The following NT5DC3 variants were observed in gnomAD, a reference collection of about 807,000 sequenced individuals.
NT5DC3 encodes 5'-nucleotidase domain-containing protein 3.
NT5DC3 carries 42 observed loss-of-function variants against 67.8 expected under a neutral mutation model. The ratio of observed to expected loss-of-function variants is 0.62; its 90% CI spans 0.48 to 0.80. NT5DC3 has a LOEUF of 0.80. Ranked by LOEUF, NT5DC3 falls within the 30% of genes least tolerant of loss-of-function variation. The pLI, the probability that NT5DC3 is intolerant of heterozygous loss-of-function variation, is 0.00. For missense variants in NT5DC3, 570 were observed against 696.4 expected, an observed-to-expected ratio of 0.82 and a Z score of 2.04; for synonymous variants, 237 against 255.6, an observed-to-expected ratio of 0.93 and a Z score of 0.69.
At chr12:103,796,243 G>A (rs143957669) in intron 6 of NT5DC3, among the ~76,000 whole-genome samples, 263 of 152,116 alleles carry the variant, frequency 1.7e-3, no homozygotes, top group African/African-American at 5.6e-3. Context: ...CTGGCCGGGC[G>A]TGGTGGCTCA....
At chr12:103,755,169 A>G in the NT5DC3 span, 1 of 1,234,242 alleles carries the variant, frequency 8.1e-7, no homozygotes, top group Non-Finnish European at 1.1e-6. Context: ...ACTGTGTGCC[A>G]GGCACAGAGG....
chr12:103,837,118 G>A (rs1418615343), intron 1 of NT5DC3, among the ~76,000 whole-genome samples: 1 of 152,196 alleles, frequency 6.6e-6, no homozygotes, highest in Non-Finnish European at 1.5e-5. Flanking sequence ...CTTGACTTCG[G>A]TGCACCCGTA....
chr12:103,770,165 A>G (rs1885148997), downstream of NT5DC3, among the ~76,000 whole-genome samples: 1 of 152,266 alleles, frequency 6.6e-6, no homozygotes, highest in Non-Finnish European at 1.5e-5. Context: ...TCACTGAAAG[A>G]AAACAGTTTA....
chr12:103,800,382 C>T (rs1886515363), intron 4 of NT5DC3, among the ~76,000 whole-genome samples: 1 of 152,242 alleles, frequency 6.6e-6, no homozygotes, highest in Admixed American at 6.5e-5. Flanking sequence ...AGGCAGTGAC[C>T]TTGGAAATCA....
Position 103,777,384 on chromosome 12 carries a change from G to A in NT5DC3, c.*445C>T, listed in dbSNP as rs975811730. The A allele has an allele frequency of 6.1e-5, 10 of 165,106 alleles. No individual in the cohort carries two copies. The highest frequency in any genetic ancestry group is 1.8e-4 in the East Asian group (1 of 5,644). The allele number at this position is 165,106 out of a possible 1,614,324, so 10.2% of individuals were successfully genotyped here. On this transcript the variant is annotated 3_prime_UTR_variant, in exon 14 of 14. Coordinates refer to ENST00000392876, the MANE Select transcript of NT5DC3 (RefSeq NM_001031701.3). ...AGCGTTTTACCATTGTGGAGCCCAC[G>A]AAATCAGCCTTCTGGAAGCAGCTAA...
At chr12:103,825,419 T>C (rs887739605) in intron 1 of NT5DC3, among the ~76,000 whole-genome samples, 1 of 151,998 alleles carries the variant, frequency 6.6e-6, no homozygotes, top group African/African-American at 2.4e-5. Flanking sequence ...ACCTAATCTT[T>C]AAAAAAAATC....
At chr12:103,798,553 G>A in intron 5 of NT5DC3, 34 bp downstream of exon 5, 2 of 1,450,290 alleles carry the variant, frequency 1.4e-6, no homozygotes, top group African/African-American at 1.4e-5. Flanking sequence ...GAAGGAAAAA[G>A]GCTGCTTTAA....
rs1885240145 is a variant in NT5DC3, at chr12:103,773,449, T to A, written c.*4380A>T. On this transcript the variant is annotated 3_prime_UTR_variant, in exon 14 of 14. Transcript: ENST00000392876. Reference sequence around the variant, plus strand: ...AGGTTAGCTGAACTTTGAGCTAAGCTCCTAAATGACACTAGTAGTGTCAAA... The same window carrying A: ...AGGTTAGCTGAACTTTGAGCTAAGCACCTAAATGACACTAGTAGTGTCAAA... 6.6e-6 allele frequency: 1 copy of A among 152,200 alleles called. No individual in the cohort carries two copies. The highest frequency in any genetic ancestry group is 2.1e-4 in the South Asian group (1 of 4,832). 9.4% of individuals were successfully genotyped at this position (152,200 alleles called of 1,614,324 possible). A position where few individuals can be genotyped will look rare whatever the true frequency, so the allele number is the denominator to read the frequency against.
At chr12:103,759,120 C>G in the NT5DC3 span, 29 of 1,614,144 alleles carry the variant, frequency 1.8e-5, no homozygotes, top group Middle Eastern at 3.3e-4. Context: ...CTGTGTTTCT[C>G]CTTTTTTCTC....
rs1231981030 is a variant in NT5DC3 at position 103,780,367 on chromosome 12, G to A, written c.1330-3C>T. ...TGTGACTCAGCATCTCTGTGAACCT[G>A]TAGGACACAAGTCAATTATTACAAC... is the stretch of plus-strand genomic sequence containing the variant. On this transcript the variant is annotated splice_region_variant and splice_polypyrimidine_tract_variant and intron_variant, in intron 12 of 13. Transcript: ENST00000392876. The A allele has an allele frequency of 6.2e-7, 1 of 1,613,294 alleles. No homozygotes were observed. Among genetic ancestry groups the A allele is most frequent in the African/African-American group, 1.3e-5 (1 of 74,884 alleles).
chr12:103,806,324 G>A lies in NT5DC3; in HGVS notation c.522C>T (p.Tyr174=). ...AFHYIQLGTV[Y]RGLSVVPDEE... Reference sequence around the variant, plus strand: ...AATGTATCTCCTCTTACTCTTACCTGTAGACAGTTCCCAGCTGGATATAAT... The same window carrying A: ...AATGTATCTCCTCTTACTCTTACCTATAGACAGTTCCCAGCTGGATATAAT... The change falls in exon 4 of 14, where the codon TAC becomes TAT. Residue 174 remains tyrosine, a splice_region_variant and synonymous_variant. Transcript: ENST00000392876. 1.2e-6 allele frequency: 2 copies of A among 1,600,190 alleles called. No homozygotes were observed. The highest frequency in any genetic ancestry group is 1.7e-6 in the Non-Finnish European group (2 of 1,167,406).
chr12:103,808,570 C>T (rs914982165), intron 2 of NT5DC3, among the ~76,000 whole-genome samples: 2 of 152,258 alleles, frequency 1.3e-5, no homozygotes, highest in Non-Finnish European at 2.9e-5. Flanking sequence ...AAAGCACTAA[C>T]TCAAATGTCA....
chr12:103,766,286 G>T (rs200988702), downstream of NT5DC3: 7 of 1,613,962 alleles, frequency 4.3e-6, no homozygotes. Context: ...TCTTTTCCAG[G>T]ACTCTGAAGA....
At chr12:103,749,085 GAGAT>G in the NT5DC3 span, 1 of 1,614,134 alleles carries the variant, frequency 6.2e-7, no homozygotes, top group South Asian at 1.1e-5. Flanking sequence ...CAGCTGCACA[GAGAT>G]AGACCCCTGT....
At chr12:103,762,135 A>G in the NT5DC3 span, 1 of 1,138,648 alleles carries the variant, frequency 8.8e-7, no homozygotes, top group Non-Finnish European at 1.3e-6. Context: ...AGACCCTGGC[A>G]GTAATAAGGG....
At chr12:103,763,583 C>T in the NT5DC3 span, 1 of 1,614,114 alleles carries the variant, frequency 6.2e-7, no homozygotes, top group African/African-American at 1.3e-5. Flanking sequence ...TCAGCTCCCC[C>T]AGAACCTTCC....
In NT5DC3 at chr12:103,796,922, T is replaced by G; in HGVS notation, c.725A>C (p.Glu242Ala). Residue 242 changes from glutamate (E) to alanine (A), a missense_variant, in exon 6 of 14, where the codon GAG becomes GCG. Around this residue, in one of 2 missense-constraint regions of NT5DC3, gnomAD observed 466 missense variants for 608.0 expected, o/e 0.77. Transcript: ENST00000392876. ...GACATCTTTGTACAGATGCACAGGC[T>G]CATAGTCGATGTTGTTCTTGAGGAA... ...EYFLKNNIDY[E>A]PVHLYKDVKD... is the part of the protein sequence containing the mutation. 1 of 1,614,144 alleles carries G rather than the reference T, an allele frequency of 6.2e-7. No individual in the cohort carries two copies. Among genetic ancestry groups the G allele is most frequent in the Non-Finnish European group, 8.5e-7 (1 of 1,180,028 alleles).
rs6539101 is a variant in NT5DC3, at chr12:103,775,204, T to C, written c.*2625A>G. 0.73 allele frequency: 110,725 copies of C among 152,046 alleles called. 40,625 individuals carry two copies. Among genetic ancestry groups the C allele is most frequent in the East Asian group, 0.9 (4,667 of 5,160 alleles). 9.4% of individuals were successfully genotyped at this position (152,046 alleles called of 1,614,324 possible). On this transcript the variant is annotated 3_prime_UTR_variant, in exon 14 of 14. Coordinates refer to ENST00000392876, the MANE Select transcript of NT5DC3 (RefSeq NM_001031701.3). ...TCAGTGAGCCTTGGTGGCCCAGATG[T>C]CAGGCTTCTGTCACATGGGAGATCT... is the stretch of plus-strand genomic sequence containing the variant.
At chr12:103,778,139 A>G in intron 13 of NT5DC3, 58 bp from the exon 14 acceptor site, 1 of 1,508,234 alleles carries the variant, frequency 6.6e-7, no homozygotes, top group Non-Finnish European at 8.9e-7. Flanking sequence ...CCTTGTTTTT[A>G]AACTACTGAA....
Sources: gnomAD v4.1 joint callset for allele counts (sites outside exome capture counted in the v4.1 genomes callset) on GRCh38, gnomAD v4.1.1 for gene constraint, gnomAD v4.1.1 regional missense constraint, MANE v1.5 for transcripts, NCBI Gene and HGNC (gene_info 2026-07-23, HGNC 2026-07-21) for gene names.